The following ZNF236 variants were observed in gnomAD, a reference collection of about 807,000 sequenced individuals.
ZNF236 encodes zinc finger protein 236, also known as regulated by glucose.
ZNF236 carries 50 observed loss-of-function variants against 191.2 expected under a neutral mutation model. The observed-to-expected ratio is 0.26, with a 90% confidence interval of 0.21 to 0.33. The LOEUF (loss-of-function observed/expected upper bound fraction) is 0.33, where lower values mean the gene tolerates loss of function less well. Ranked by LOEUF, ZNF236 falls within the 10% of genes least tolerant of loss-of-function variation. ZNF236 has a pLI of 1.00. For synonymous variants in ZNF236, 907 were observed against 928.8 expected, an observed-to-expected ratio of 0.98 and a Z score of 0.43; for missense variants, 1,754 against 2,374.5, an observed-to-expected ratio of 0.74 and a Z score of 5.43.
intron 9 of ZNF236, among the ~76,000 whole-genome samples, chr18:76,889,483 A>C (rs945022301): frequency 2.6e-5 from 4 of 151,064 alleles, no homozygotes; most frequent in African/African-American, 5.0e-5. Flanking sequence ...AGCACTGGGA[A>C]GACAGACCTC....
chr18:76,920,403 T>C lies in ZNF236; in HGVS notation c.3557+345T>C, dbSNP rs111832082. 7.9e-3 allele frequency among the ~76,000 whole-genome samples: 1,195 copies of C among 151,644 alleles called. 16 individuals are homozygous for C. The highest frequency in any genetic ancestry group is 0.028 in the African/African-American group (1,139 of 41,338). ...TGGTCTCTACTAAAAAATACAAAAT[T>C]AGGTGGGTGTAGTGGTGGGTGCCTG... On this transcript the variant is annotated intron_variant, in intron 20 of 30. Coordinates refer to ENST00000320610, the MANE Select transcript of ZNF236 (RefSeq NM_001306089.2).
At chr18:76,908,604 G>T (rs1967124687) in intron 14 of ZNF236, 31 bp downstream of exon 14, 1 of 1,573,366 alleles carries the variant, frequency 6.4e-7, no homozygotes, top group Non-Finnish European at 8.6e-7. Flanking sequence ...AACTTTGAGT[G>T]ATCCCAGCAG....
intron 10 of ZNF236, among the ~76,000 whole-genome samples, chr18:76,898,788 A>G (rs1977508507): frequency 6.6e-6 from 1 of 152,222 alleles, no homozygotes; most frequent in African/African-American, 2.4e-5. Flanking sequence ...TCCTAAAAAT[A>G]CTAAATGTTC....
intron 9 of ZNF236, 94 bp downstream of exon 9, chr18:76,881,606 G>A: frequency 9.2e-7 from 1 of 1,090,132 alleles, no homozygotes; most frequent in South Asian, 1.6e-5. Flanking sequence ...GAAGGTGATA[G>A]GATATGTTTG....
chr18:76,850,425 C>T (rs1424497532), intron 2 of ZNF236, among the ~76,000 whole-genome samples: 2 of 151,980 alleles, frequency 1.3e-5, no homozygotes, highest in African/African-American at 4.8e-5. Context: ...TTCTCAGGTT[C>T]GACAATCTGA....
At position 76,919,744 on chromosome 18, in the gene ZNF236, G is replaced by C. The variant is rs771105691; in HGVS notation, c.3275-32G>C. On this transcript the variant is annotated intron_variant, in intron 19 of 30. Coordinates refer to ENST00000320610, the MANE Select transcript of ZNF236 (RefSeq NM_001306089.2). This position sits in a 1 kb window ranked among gnomAD's most constrained non-coding sequence, Gnocchi z 5.3. Reference sequence around the variant, plus strand: ...TAAAAACCTAGGTTTTCTTCATTACGATTTTGATCCCTTTTCCTTGATTTT... The same window carrying C: ...TAAAAACCTAGGTTTTCTTCATTACCATTTTGATCCCTTTTCCTTGATTTT... 77 of 1,601,342 alleles carry C rather than the reference G, an allele frequency of 4.8e-5. No individual in the cohort carries two copies. The highest frequency in any genetic ancestry group is 6.3e-5 in the Non-Finnish European group (74 of 1,170,156).
chr18:76,873,489 G>T (rs1375699163), intron 5 of ZNF236, among the ~76,000 whole-genome samples: 10 of 152,192 alleles, frequency 6.6e-5, no homozygotes, highest in Non-Finnish European at 1.5e-4. Flanking sequence ...AGTCACGTAG[G>T]CCGGTGTGGT....
At chr18:76,926,339 C>T (rs1967676281) in intron 22 of ZNF236, among the ~76,000 whole-genome samples, 2 of 151,564 alleles carry the variant, frequency 1.3e-5, no homozygotes, top group South Asian at 2.1e-4. Flanking sequence ...TGAGATTTCG[C>T]GGGTGATTAG....
At chr18:76,869,466 A>G (rs1426226836) in intron 4 of ZNF236, among the ~76,000 whole-genome samples, 1 of 152,228 alleles carries the variant, frequency 6.6e-6, no homozygotes, top group East Asian at 1.9e-4. Flanking sequence ...ATGCATTTAT[A>G]CATTTATTCG....
intron 3 of ZNF236, 128 bp from the exon 4 acceptor site, chr18:76,868,557 T>G (rs1599348201): frequency 1.5e-6 from 1 of 678,742 alleles, no homozygotes; most frequent in East Asian, 3.0e-5. Flanking sequence ...AAGTATTAGA[T>G]CAAAATCAAG....
Position 76,875,344 on chromosome 18 carries a change from G to T in ZNF236, c.668-148G>T. On this transcript the variant is annotated intron_variant, in intron 5 of 30. Transcript: ENST00000320610. The surrounding 1 kb of genome is among the most constrained non-coding windows in gnomAD (Gnocchi z 4.3). ...TGACATGTTAATTTTGAGATTTAAA[G>T]TAGACACTTGTATATATGCATCTAG... 1 of 636,060 alleles carries T rather than the reference G, an allele frequency of 1.6e-6. No individual in the cohort carries two copies. The allele number at this position is 636,060 out of a possible 1,614,324, so 39.4% of individuals were successfully genotyped here.
At chr18:76,872,620 A>C (rs1459891799) in intron 5 of ZNF236, among the ~76,000 whole-genome samples, 2 of 152,230 alleles carry the variant, frequency 1.3e-5, no homozygotes, top group Non-Finnish European at 1.5e-5. Flanking sequence ...GTTTTGCTTG[A>C]ATATTTGAAA....
chr18:76,843,910 G>C (rs1280492563), intron 1 of ZNF236, among the ~76,000 whole-genome samples: 1 of 150,996 alleles, frequency 6.6e-6, no homozygotes, highest in African/African-American at 2.4e-5. Flanking sequence ...GGGTGCAGTG[G>C]TTCACGCCTG....
chr18:76,859,336 C>T (rs1976145646), intron 3 of ZNF236, among the ~76,000 whole-genome samples: 1 of 152,022 alleles, frequency 6.6e-6, no homozygotes, highest in Non-Finnish European at 1.5e-5. Flanking sequence ...GCACGTGTTC[C>T]CAGCTTTCCT....
At chr18:76,910,374 G>C (rs938557356) in intron 15 of ZNF236, among the ~76,000 whole-genome samples, 1 of 152,022 alleles carries the variant, frequency 6.6e-6, no homozygotes, top group Admixed American at 6.5e-5. Flanking sequence ...AGTGACCTTT[G>C]CAGCCATTCT....
Position 76,923,190 on chromosome 18 carries a change from C to T in ZNF236, c.3661+16C>T. 1.3e-6 allele frequency: 2 copies of T among 1,534,920 alleles called. No individual in the cohort carries two copies. ...ACTCACACAGGTAAGGAAAACATGC[C>T]TGCGTCATTGGTAGAGGTCTTAGGA... On this transcript the variant is annotated intron_variant, in intron 21 of 30. Coordinates refer to ENST00000320610, the MANE Select transcript of ZNF236 (RefSeq NM_001306089.2).
intron 3 of ZNF236, among the ~76,000 whole-genome samples, chr18:76,865,670 G>A (rs1976385512): frequency 6.6e-6 from 1 of 152,136 alleles, no homozygotes; most frequent in African/African-American, 2.4e-5. Flanking sequence ...GACAGTATTG[G>A]GGGCACCAGT....
chr18:76,908,975 G>A (rs1235156485), intron 14 of ZNF236, among the ~76,000 whole-genome samples: 1 of 23,796 alleles, frequency 4.2e-5, no homozygotes, highest in Admixed American at 5.6e-4. Flanking sequence ...GTGTGTGTGT[G>A]TGTGTGTGTG....
chr18:76,851,096 A>T (rs1407090852), intron 2 of ZNF236, among the ~76,000 whole-genome samples: 1 of 86,172 alleles, frequency 1.2e-5, no homozygotes, highest in African/African-American at 3.6e-5. Flanking sequence ...AGTTTGACAG[A>T]AAATGTTTGG....
Sources: gnomAD v4.1 joint callset for allele counts (sites outside exome capture counted in the v4.1 genomes callset) on GRCh38, gnomAD v4.1.1 for gene constraint, Gnocchi (gnomAD v3.1) non-coding constraint, MANE v1.5 for transcripts, NCBI Gene and HGNC (gene_info 2026-07-23, HGNC 2026-07-21) for gene names.